The following MDGA2 variants were observed in gnomAD, a reference collection of about 807,000 sequenced individuals.
MDGA2 encodes the protein MAM domain-containing glycosylphosphatidylinositol anchor protein 2.
In MDGA2, 40 loss-of-function variants were observed where a neutral mutation model predicts 117.8. The ratio of observed to expected loss-of-function variants is 0.34; its 90% CI spans 0.26 to 0.44. MDGA2 has a LOEUF of 0.44. Among genes scored for constraint, MDGA2 ranks in the 20% least tolerant of loss-of-function variants. The pLI, the probability that MDGA2 is intolerant of heterozygous loss-of-function variation, is 1.00. For missense variants in MDGA2, 1,123 were observed against 1,250.6 expected, an observed-to-expected ratio of 0.90 and a Z score of 1.54; for synonymous variants, 452 against 439.0, an observed-to-expected ratio of 1.03 and a Z score of -0.37.
intron 1 of MDGA2, among the ~76,000 whole-genome samples, chr14:47,627,680 G>A (rs2774169): frequency 0.16 from 24,687 of 152,126 alleles, 2,087 homozygotes; most frequent in East Asian, 0.25. Flanking sequence ...GGGTAGGGCC[G>A]GATAAGAGAA....
At chr14:47,580,315 A>C (rs12433654) in intron 1 of MDGA2, among the ~76,000 whole-genome samples, 40,144 of 151,908 alleles carry the variant, frequency 0.26, 6,178 homozygotes, top group Non-Finnish European at 0.35. Flanking sequence ...CATGTGGTGA[A>C]GGAGCAAAGA....
rs528251074 is a variant in MDGA2, at chr14:47,363,192, T to C, written c.281-61642A>G. Among the ~76,000 whole-genome samples the C allele has an allele frequency of 6.6e-5, 10 of 152,272 alleles. No individual in the cohort carries two copies. The East Asian group carries it at 1.2e-3, about 18-fold the overall frequency. Reference sequence around the variant, plus strand: ...ACATACTATTAGACTTCCTAACTTATTAAGAAATGCTTGACTATCTGGGTT... The same window carrying C: ...ACATACTATTAGACTTCCTAACTTACTAAGAAATGCTTGACTATCTGGGTT... On this transcript the variant is annotated intron_variant, in intron 1 of 16. Transcript: ENST00000399232.
At chr14:47,613,458 ATC>A (rs746974129) in intron 1 of MDGA2, among the ~76,000 whole-genome samples, 6,492 of 146,196 alleles carry the variant, frequency 0.044, 164 homozygotes, top group African/African-American at 0.052. Flanking sequence ...TACTTCATTT[ATC>A]TCTCTCTCTC....
intron 3 of MDGA2, among the ~76,000 whole-genome samples, chr14:47,199,110 T>C (rs575382799): frequency 6.6e-6 from 1 of 152,142 alleles, no homozygotes; most frequent in African/African-American, 2.4e-5. Context: ...CCTACTGACC[T>C]GCCTTACAAA....
intron 2 of MDGA2, among the ~76,000 whole-genome samples, chr14:47,245,965 G>T (rs1887223203): frequency 6.6e-6 from 1 of 151,652 alleles, no homozygotes; most frequent in Admixed American, 6.6e-5. Flanking sequence ...AAGAAATTGA[G>T]GTAAGAAAAG....
intron 1 of MDGA2, among the ~76,000 whole-genome samples, chr14:47,503,351 T>G (rs1225068650): frequency 1.3e-5 from 2 of 151,016 alleles, no homozygotes; most frequent in African/African-American, 2.4e-5. Flanking sequence ...GTAAAAGCAG[T>G]CCTAGATAAG....
intron 1 of MDGA2, among the ~76,000 whole-genome samples, chr14:47,408,460 A>T (rs1008642339): frequency 7.2e-5 from 11 of 152,180 alleles, no homozygotes; most frequent in African/African-American, 2.4e-4. Context: ...AGAGGGGGAA[A>T]TCAGAGATAG....
At chr14:46,919,388 A>G (rs1884035920) in intron 10 of MDGA2, among the ~76,000 whole-genome samples, 1 of 152,216 alleles carries the variant, frequency 6.6e-6, no homozygotes, top group South Asian at 2.1e-4. Context: ...AAAGACCTCC[A>G]CTTAAATTTC....
chr14:47,244,867 C>T lies in MDGA2; in HGVS notation c.421-26672G>A, dbSNP rs974562610. Among the ~76,000 whole-genome samples the T allele has an allele frequency of 4.0e-5, 6 of 151,546 alleles. 1 individual carries two copies. The highest frequency in any genetic ancestry group is 4.4e-5 in the Non-Finnish European group (3 of 67,806). ...CATTTGTATGTGAATTTTCTTCTAC[C>T]TCTTCCATCCCTAAGACAGCAAGAC... On this transcript the variant is annotated intron_variant, in intron 2 of 16. Coordinates refer to ENST00000399232, the MANE Select transcript of MDGA2 (RefSeq NM_001113498.3).
intron 1 of MDGA2, among the ~76,000 whole-genome samples, chr14:47,415,090 G>A (rs547713143): frequency 7.2e-5 from 11 of 152,150 alleles, no homozygotes; most frequent in African/African-American, 2.6e-4. Context: ...ATGTGATGAA[G>A]ACTCTTTGGA....
At chr14:47,065,709 A>T (rs1219348733) in intron 6 of MDGA2, among the ~76,000 whole-genome samples, 1 of 152,240 alleles carries the variant, frequency 6.6e-6, no homozygotes, top group Non-Finnish European at 1.5e-5. Context: ...CAACAGTCTT[A>T]TACTTTAATG....
intron 1 of MDGA2, among the ~76,000 whole-genome samples, chr14:47,588,443 A>T (rs937565952): frequency 4.6e-5 from 7 of 151,792 alleles, no homozygotes; most frequent in African/African-American, 1.7e-4. Context: ...TTTTCATTAC[A>T]GTCATCCTAG....
intron 1 of MDGA2, among the ~76,000 whole-genome samples, chr14:47,618,537 C>T (rs1184723725): frequency 6.6e-6 from 1 of 152,186 alleles, no homozygotes; most frequent in African/African-American, 2.4e-5. Flanking sequence ...TACTGCAATA[C>T]ATGTTAAGTT....
intron 6 of MDGA2, among the ~76,000 whole-genome samples, chr14:47,078,840 C>G (rs1290276718): frequency 2.0e-5 from 3 of 152,002 alleles, no homozygotes; most frequent in Non-Finnish European, 4.4e-5. Flanking sequence ...CTCTAGGAAG[C>G]TACTAATATT....
intron 3 of MDGA2, among the ~76,000 whole-genome samples, chr14:47,150,234 T>C (rs778522621): frequency 2.0e-5 from 3 of 152,200 alleles, no homozygotes; most frequent in Non-Finnish European, 4.4e-5. Flanking sequence ...TCCCGTAAGA[T>C]TCCCCTTGTT....
At chr14:47,240,444 A>G (rs1027241640) in intron 2 of MDGA2, among the ~76,000 whole-genome samples, 1 of 151,932 alleles carries the variant, frequency 6.6e-6, no homozygotes, top group African/African-American at 2.4e-5. Flanking sequence ...ATAAAACAGC[A>G]ATCATAATAA....
intron 1 of MDGA2, among the ~76,000 whole-genome samples, chr14:47,317,516 C>G (rs1308408639): frequency 2.0e-5 from 3 of 151,636 alleles, no homozygotes; most frequent in African/African-American, 7.3e-5. Context: ...GCATTTATAC[C>G]TTTTTTTTGG....
intron 16 of MDGA2, among the ~76,000 whole-genome samples, chr14:46,844,871 TTTATTA>T (rs58606602): frequency 6.6e-6 from 1 of 151,422 alleles, no homozygotes; most frequent in Middle Eastern, 3.4e-3. Context: ...TCTGATGATT[TTTATTA>T]TTATTATTAT....
chr14:46,876,184 G>A (rs578188620), intron 12 of MDGA2, among the ~76,000 whole-genome samples: 5 of 151,336 alleles, frequency 3.3e-5, no homozygotes, highest in African/African-American at 4.8e-5. Flanking sequence ...AATAGCTCTC[G>A]ATTCCTTCTA....
Sources: gnomAD v4.1 joint callset for allele counts (sites outside exome capture counted in the v4.1 genomes callset) on GRCh38, gnomAD v4.1.1 for gene constraint, MANE v1.5 for transcripts, NCBI Gene and HGNC (gene_info 2026-07-23, HGNC 2026-07-21) for gene names.